Variants in THSD7A observed in about 807,000 individuals in gnomAD.
THSD7A encodes thrombospondin type 1 domain containing 7A.
THSD7A carries 96 observed loss-of-function variants against 231.3 expected under a neutral mutation model. That is an observed-to-expected ratio of 0.41 (90% CI 0.35 to 0.49). THSD7A has a LOEUF of 0.49. Among genes scored for constraint, THSD7A ranks in the 20% least tolerant of loss-of-function variants. The probability of loss-of-function intolerance (pLI) is 0.05; values close to 1 mark genes in which losing one functional copy is unlikely to be tolerated. For missense variants in THSD7A, 2,290 were observed against 2,070.2 expected, an observed-to-expected ratio of 1.11 and a Z score of -2.06; for synonymous variants, 940 against 743.3, an observed-to-expected ratio of 1.26 and a Z score of -4.30.
intron 1 of THSD7A, among the ~76,000 whole-genome samples, chr7:11,696,595 C>T (rs1780408616): frequency 6.6e-6 from 1 of 151,128 alleles, no homozygotes; most frequent in Non-Finnish European, 1.5e-5. Context: ...CTATCCCCCT[C>T]CCCCCGACAG....
intron 6 of THSD7A, among the ~76,000 whole-genome samples, chr7:11,509,753 C>G (rs6950252): frequency 7.1e-6 from 1 of 141,578 alleles, no homozygotes; most frequent in African/African-American, 2.6e-5. Context: ...ACCCGGGAGG[C>G]GGAGCTTGCA....
At chr7:11,498,947 G>C (rs1157448836) in intron 6 of THSD7A, among the ~76,000 whole-genome samples, 1 of 152,122 alleles carries the variant, frequency 6.6e-6, no homozygotes, top group African/African-American at 2.4e-5. Context: ...CACTGGGCAG[G>C]TCCTCCAAGC....
At chr7:11,668,226 G>T (rs1263448018) in intron 1 of THSD7A, among the ~76,000 whole-genome samples, 3 of 152,088 alleles carry the variant, frequency 2.0e-5, no homozygotes, top group African/African-American at 7.2e-5. Flanking sequence ...AGACCTTCCT[G>T]GCCAACGTGA....
At chr7:11,668,133 T>TA (rs1405577239) in intron 1 of THSD7A, among the ~76,000 whole-genome samples, 1 of 151,728 alleles carries the variant, frequency 6.6e-6, no homozygotes, top group Non-Finnish European at 1.5e-5. Context: ...CTATTATTTT[T>TA]TTCCTCAAAA....
intron 7 of THSD7A, among the ~76,000 whole-genome samples, chr7:11,480,267 A>T (rs1022780002): frequency 1.3e-5 from 2 of 152,324 alleles, no homozygotes; most frequent in Middle Eastern, 3.4e-3. Flanking sequence ...TTTCCGTGTG[A>T]AGCATCATGT....
chr7:11,410,073 T>C (rs955236564), intron 19 of THSD7A, among the ~76,000 whole-genome samples: 1 of 152,166 alleles, frequency 6.6e-6, no homozygotes, highest in South Asian at 2.1e-4. Flanking sequence ...AATGGTTATA[T>C]TGCTTCAATG....
intron 1 of THSD7A, chr7:11,751,231 T>C (rs905080091): frequency 6.6e-6 from 1 of 152,078 alleles, no homozygotes; most frequent in East Asian, 1.9e-4. Flanking sequence ...GATAGTTGTC[T>C]GTTGGTCCAA....
intron 6 of THSD7A, among the ~76,000 whole-genome samples, chr7:11,496,336 GTCTTC>G (rs1405844678): frequency 3.3e-5 from 5 of 152,100 alleles, no homozygotes; most frequent in Admixed American, 3.3e-4. Context: ...TAATTTATTT[GTCTTC>G]TCTTGTGATT....
intron 4 of THSD7A, among the ~76,000 whole-genome samples, chr7:11,547,099 G>A (rs1050062501): frequency 6.6e-6 from 1 of 152,138 alleles, no homozygotes; most frequent in Non-Finnish European, 1.5e-5. Flanking sequence ...ATCTCTGAAA[G>A]GGAGTAAGGA....
chr7:11,638,746 GA>G (rs929593188), intron 1 of THSD7A, among the ~76,000 whole-genome samples: 19 of 152,086 alleles, frequency 1.2e-4, no homozygotes, highest in Non-Finnish European at 2.8e-4. Context: ...CAGTCTCCTT[GA>G]AGTATGAATG....
intron 7 of THSD7A, among the ~76,000 whole-genome samples, chr7:11,476,464 T>G (rs933659395): frequency 3.3e-5 from 5 of 152,084 alleles, no homozygotes; most frequent in Non-Finnish European, 7.4e-5. Context: ...ATTTCAATAA[T>G]TAGCAATTTT....
intron 6 of THSD7A, among the ~76,000 whole-genome samples, chr7:11,508,425 CA>C (rs1389518507): frequency 4.0e-5 from 6 of 151,008 alleles, no homozygotes; most frequent in African/African-American, 1.5e-4. Flanking sequence ...AAAGCAAAAA[CA>C]AAAGGTGAAA....
At position 11,755,144 on chromosome 7, in the gene THSD7A, T is replaced by C. The variant is rs115787348; in HGVS notation, c.190+76613A>G. Among the ~76,000 whole-genome samples the C allele has an allele frequency of 6.3e-3, 960 of 152,096 alleles. 9 individuals carry two copies. Among genetic ancestry groups the C allele is most frequent in the African/African-American group, 0.022 (918 of 41,500 alleles). Reference sequence around the variant, plus strand: ...CTACTGGTCTCTAGGGGGCGGAGGATTGAGGGCTGCTTCTGAAAGTCACAC... The same window carrying C: ...CTACTGGTCTCTAGGGGGCGGAGGACTGAGGGCTGCTTCTGAAAGTCACAC... On this transcript the variant is annotated intron_variant, in intron 1 of 27. Coordinates refer to ENST00000423059, the MANE Select transcript of THSD7A (RefSeq NM_015204.3).
chr7:11,441,972 A>T (rs1784820310), intron 13 of THSD7A, among the ~76,000 whole-genome samples: 1 of 152,128 alleles, frequency 6.6e-6, no homozygotes, highest in South Asian at 2.1e-4. Flanking sequence ...CCCAGAACTT[A>T]AAGTATAATT....
intron 23 of THSD7A, among the ~76,000 whole-genome samples, chr7:11,401,108 G>A (rs1783387087): frequency 6.6e-6 from 1 of 151,998 alleles, no homozygotes; most frequent in Non-Finnish European, 1.5e-5. Context: ...TTATCCATTT[G>A]AAAAAATATA....
chr7:11,676,350 G>C (rs368128640), intron 1 of THSD7A, among the ~76,000 whole-genome samples: 62 of 152,254 alleles, frequency 4.1e-4, no homozygotes, highest in Middle Eastern at 6.8e-3. Flanking sequence ...CAACAAGAAT[G>C]CCTCTTCTCC....
In THSD7A at chr7:11,568,656, C is replaced by CAAAAAAAAAA. The variant is rs1562728058; in HGVS notation, c.1453+21803_1453+21804insTTTTTTTTTT. Among the ~76,000 whole-genome samples, 12 of 88,666 alleles carry CAAAAAAAAAA rather than the reference C, an allele frequency of 1.4e-4. 1 individual carries two copies. The highest frequency in any genetic ancestry group is 2.0e-4 in the Non-Finnish European group (9 of 45,782). The allele number at this position is 88,666 out of a possible 152,430, so 58.2% of individuals were successfully genotyped here. A position where few individuals can be genotyped will look rare whatever the true frequency, so the allele number is the denominator to read the frequency against. On this transcript the variant is annotated intron_variant, in intron 4 of 27. Transcript: ENST00000423059. ...AAAAAAAAAAAAAAAAAAAAAAAAC[C>CAAAAAAAAAA]AAAATCTGGAACAAGGTAAAGATGA...
intron 1 of THSD7A, among the ~76,000 whole-genome samples, chr7:11,654,481 T>C (rs898994341): frequency 8.6e-5 from 13 of 151,964 alleles, no homozygotes; most frequent in Admixed American, 8.5e-4. Flanking sequence ...AGAAAAATCT[T>C]CTTTTAGCCT....
At chr7:11,779,654 CA>C in intron 1 of THSD7A, among the ~76,000 whole-genome samples, 1 of 152,204 alleles carries the variant, frequency 6.6e-6, no homozygotes, top group East Asian at 1.9e-4. Flanking sequence ...ACCCACCACT[CA>C]ATGTCTATTT....
Sources: gnomAD v4.1 joint callset for allele counts (sites outside exome capture counted in the v4.1 genomes callset) on GRCh38, gnomAD v4.1.1 for gene constraint, MANE v1.5 for transcripts, NCBI Gene and HGNC (gene_info 2026-07-23, HGNC 2026-07-21) for gene names.